The following TUSC3 variants were observed in gnomAD, a reference collection of about 807,000 sequenced individuals.
The protein encoded by TUSC3 is tumor suppressor candidate 3.
TUSC3 carries 45 observed loss-of-function variants against 44.8 expected under a neutral mutation model. The observed-to-expected ratio is 1.00, with a 90% CI of 0.79 to 1.29. The LOEUF is 1.29. Ranked by LOEUF, TUSC3 falls within the 50% of genes most tolerant of loss-of-function variation. The probability of loss-of-function intolerance (pLI) is 0.00; values close to 1 mark genes in which losing one functional copy is unlikely to be tolerated. For synonymous variants in TUSC3, 212 were observed against 152.9 expected (o/e 1.39, Z -2.85); for missense variants, 519 against 437.9 (o/e 1.19, Z -1.65).
the TUSC3 span, among the ~76,000 whole-genome samples, chr8:15,784,548 G>GCA: frequency 7.3e-4 from 110 of 151,328 alleles, no homozygotes; most frequent in East Asian, 7.4e-3. Flanking sequence ...GTGTGTGTAT[G>GCA]CACACACACA....
intron 5 of TUSC3, among the ~76,000 whole-genome samples, chr8:15,669,959 A>T (rs1045193989): frequency 6.6e-6 from 1 of 151,514 alleles, no homozygotes; most frequent in Non-Finnish European, 1.5e-5. Context: ...TAATGAATAC[A>T]TAGTAAATAA....
At chr8:15,683,269 G>T (rs1266713178) in intron 6 of TUSC3, among the ~76,000 whole-genome samples, 1 of 152,112 alleles carries the variant, frequency 6.6e-6, no homozygotes, top group Non-Finnish European at 1.5e-5. Context: ...TTTCTCTTAA[G>T]AACGCACAAT....
At chr8:15,625,391 T>G (rs573935268) in intron 2 of TUSC3, among the ~76,000 whole-genome samples, 5 of 152,334 alleles carry the variant, frequency 3.3e-5, no homozygotes, top group East Asian at 1.9e-4. Context: ...TTTTAATTTT[T>G]GGGAAATATT....
intron 2 of TUSC3, among the ~76,000 whole-genome samples, chr8:15,634,036 G>A (rs1205963612): frequency 6.6e-6 from 1 of 152,124 alleles, no homozygotes; most frequent in Non-Finnish European, 1.5e-5. Context: ...ACTGTGATCC[G>A]AGGGCTGTAT....
intron 1 of TUSC3, among the ~76,000 whole-genome samples, chr8:15,461,912 A>C (rs1239040775): frequency 2.6e-5 from 4 of 152,116 alleles, no homozygotes; most frequent in Non-Finnish European, 5.9e-5. Flanking sequence ...GTATGAAACT[A>C]TAGTATGGAT....
At chr8:15,510,292 A>T (rs1801116142) in intron 2 of TUSC3, among the ~76,000 whole-genome samples, 2 of 152,326 alleles carry the variant, frequency 1.3e-5, no homozygotes, top group South Asian at 2.1e-4. Flanking sequence ...AAAGAAAAGA[A>T]TTGGTAAAAC....
chr8:15,830,175 C>T, the TUSC3 span, among the ~76,000 whole-genome samples: 15,153 of 151,638 alleles, frequency 0.1, 987 homozygotes, highest in Admixed American at 0.2. Flanking sequence ...TAGAGTTCTT[C>T]GCAGATTCTG....
chr8:15,657,050 C>A (rs766282909), intron 3 of TUSC3, among the ~76,000 whole-genome samples: 3 of 152,172 alleles, frequency 2.0e-5, no homozygotes, highest in Non-Finnish European at 2.9e-5. Flanking sequence ...CCCATAGATA[C>A]CCCAGGTTTT....
chr8:15,816,124 G>C, the TUSC3 span, among the ~76,000 whole-genome samples: 2 of 152,192 alleles, frequency 1.3e-5, 1 homozygote, highest in South Asian at 4.1e-4. Context: ...GTTAGCAACT[G>C]TCTTTGGACA....
intron 6 of TUSC3, among the ~76,000 whole-genome samples, chr8:15,681,164 G>A (rs1374786101): frequency 6.7e-6 from 1 of 148,172 alleles, no homozygotes; most frequent in African/African-American, 2.5e-5. Context: ...CAGTAAAATT[G>A]ATGTCAGCTC....
intron 2 of TUSC3, among the ~76,000 whole-genome samples, chr8:15,505,495 A>C (rs1801039756): frequency 1.3e-5 from 2 of 152,168 alleles, no homozygotes; most frequent in African/African-American, 4.8e-5. Flanking sequence ...AGCAGGGAAC[A>C]TCTGTACGTT....
intron 1 of TUSC3, among the ~76,000 whole-genome samples, chr8:15,585,840 G>T (rs140182165): frequency 6.6e-6 from 1 of 152,158 alleles, no homozygotes; most frequent in Non-Finnish European, 1.5e-5. Context: ...CTAACTGCCT[G>T]CGTGAGCGTG....
chr8:15,503,637 G>C (rs1024619970), intron 2 of TUSC3, among the ~76,000 whole-genome samples: 2 of 152,060 alleles, frequency 1.3e-5, no homozygotes, highest in Non-Finnish European at 2.9e-5. Flanking sequence ...CCAGGAATTC[G>C]AGGTTGCAGT....
Position 15,576,127 on chromosome 8 carries a change from G to A in TUSC3, c.138+35559G>A, listed in dbSNP as rs183326404. Among the ~76,000 whole-genome samples, 361 of 151,678 alleles carry A rather than the reference G, an allele frequency of 2.4e-3. 2 individuals carry two copies. Among genetic ancestry groups the A allele is most frequent in the African/African-American group, 8.1e-3 (335 of 41,466 alleles). ...ATTAATGATCTCTTGTTAAAGCAAT[G>A]AATCAGAGTTTTTGAATGATGTGTG... On this transcript the variant is annotated intron_variant, in intron 1 of 10. Coordinates refer to ENST00000503731, the MANE Select transcript of TUSC3 (RefSeq NM_006765.4).
intron 1 of TUSC3, among the ~76,000 whole-genome samples, chr8:15,455,780 G>A (rs528530686): frequency 2.0e-5 from 3 of 152,228 alleles, no homozygotes; most frequent in African/African-American, 4.8e-5. Flanking sequence ...GGTAACTACG[G>A]GAGATACTTA....
chr8:15,835,972 G>C, the TUSC3 span, among the ~76,000 whole-genome samples: 4,303 of 151,958 alleles, frequency 0.028, 211 homozygotes, highest in African/African-American at 0.098. Flanking sequence ...GTTCCAAACT[G>C]TTCTACAGTC....
intron 8 of TUSC3, among the ~76,000 whole-genome samples, chr8:15,744,075 C>T (rs984260688): frequency 5.3e-5 from 8 of 152,304 alleles, no homozygotes; most frequent in African/African-American, 1.9e-4. Context: ...CCTTTCTATT[C>T]GTTCCAAAGC....
chr8:15,626,412 G>C (rs1401379038), intron 2 of TUSC3, among the ~76,000 whole-genome samples: 1 of 152,204 alleles, frequency 6.6e-6, no homozygotes, highest in Non-Finnish European at 1.5e-5. Flanking sequence ...GTGCTCCATA[G>C]AGCCAGTGGG....
chr8:15,641,096 C>T (rs1806344368), intron 2 of TUSC3, among the ~76,000 whole-genome samples: 1 of 152,094 alleles, frequency 6.6e-6, no homozygotes, highest in African/African-American at 2.4e-5. Context: ...CGCGGTGGCT[C>T]ACACCTGTAA....
Sources: allele counts gnomAD v4.1 joint callset (sites outside exome capture counted in the v4.1 genomes callset), GRCh38; gene constraint gnomAD v4.1.1; transcripts MANE v1.5; gene names NCBI Gene and HGNC (gene_info 2026-07-23, HGNC 2026-07-21).